MYOM2: variants seen among roughly 807,000 people sequenced by gnomAD.
MYOM2 encodes myomesin-2.
Under a neutral mutation model 187.6 loss-of-function variants are expected in MYOM2, and 254 were observed. That is an observed-to-expected ratio of 1.35 (90% CI 1.22 to 1.50). MYOM2 has a LOEUF of 1.50. MYOM2 is among the 40% of genes most tolerant of loss of function. The probability of loss-of-function intolerance (pLI) is 0.00; values close to 1 mark genes in which losing one functional copy is unlikely to be tolerated. For synonymous variants in MYOM2, 981 were observed against 753.8 expected (o/e 1.30, Z -4.94); for missense variants, 2,796 against 1,924.0 (o/e 1.45, Z -8.48).
intron 25 of MYOM2, among the ~76,000 whole-genome samples, chr8:2,114,717 A>C (rs556504607): frequency 7.9e-5 from 12 of 152,222 alleles, no homozygotes; most frequent in South Asian, 2.1e-4. Flanking sequence ...TGATCTGCCC[A>C]CCTTGGCCTC....
intron 13 of MYOM2, among the ~76,000 whole-genome samples, chr8:2,084,676 C>A (rs1414411521): frequency 6.6e-6 from 1 of 152,164 alleles, no homozygotes; most frequent in African/African-American, 2.4e-5. Flanking sequence ...AAGTTATTTG[C>A]AAAAGGCTTA....
intron 17 of MYOM2, 82 bp downstream of exon 17, chr8:2,094,173 TG>T: frequency 6.5e-7 from 1 of 1,536,636 alleles, no homozygotes; most frequent in East Asian, 2.3e-5. Context: ...TGATGCCATT[TG>T]GAATGTCATT....
intron 36 of MYOM2, 124 bp downstream of exon 36, chr8:2,143,580 G>A: frequency 8.5e-7 from 1 of 1,173,340 alleles, no homozygotes; most frequent in Non-Finnish European, 1.3e-6. Flanking sequence ...CAGCCTGCAG[G>A]GAACCCAGAG....
chr8:2,139,815 C>T (rs1041517998), intron 32 of MYOM2, among the ~76,000 whole-genome samples: 1 of 152,198 alleles, frequency 6.6e-6, no homozygotes, highest in Admixed American at 6.5e-5. Flanking sequence ...CTTTTGTCTG[C>T]AGTAAACAGT....
At chr8:2,111,419 T>C (rs1462284677) in intron 25 of MYOM2, among the ~76,000 whole-genome samples, 1 of 152,230 alleles carries the variant, frequency 6.6e-6, no homozygotes. Flanking sequence ...AAAAAGCTGC[T>C]ATATTGCTGA....
rs4876227 is a variant in MYOM2 at position 2,101,021 on chromosome 8, C to A, written c.2586C>A (p.Val862=). ...REEDAGEWIT[V]NQTTTASRYL... ...AGGATGCTGGAGAGTGGATCACTGT[C>A]AATCAGACGACAACAGCCAGCCGTT... is the stretch of plus-strand genomic sequence containing the variant. Residue 862 remains valine (V), a synonymous_variant, in exon 20 of 37, where the codon GTC becomes GTA. Coordinates refer to ENST00000262113, the MANE Select transcript of MYOM2 (RefSeq NM_003970.4). The A allele has an allele frequency of 7.7e-3, 12,473 of 1,614,016 alleles. 802 individuals are homozygous for A. In the African/African-American group the frequency reaches 0.14, roughly 19 times the overall value.
intron 36 of MYOM2, 110 bp from the exon 37 acceptor site, chr8:2,144,554 G>C (rs763521029): frequency 1.3e-4 from 149 of 1,120,166 alleles, no homozygotes; most frequent in Non-Finnish European, 1.8e-4. Flanking sequence ...ACAAACGATT[G>C]AAGGACCAAT....
intron 27 of MYOM2, among the ~76,000 whole-genome samples, chr8:2,116,836 C>A (rs1234915338): frequency 4.6e-5 from 7 of 152,166 alleles, no homozygotes; most frequent in Non-Finnish European, 1.0e-4. Context: ...TGGCTCACTG[C>A]AAGCTCCGCC....
intron 17 of MYOM2, among the ~76,000 whole-genome samples, chr8:2,094,582 C>T (rs914031228): frequency 1.1e-4 from 16 of 152,226 alleles, no homozygotes; most frequent in Non-Finnish European, 1.5e-4. Context: ...ATCTGGGAGG[C>T]GGAGTTTGCA....
chr8:2,088,830 A>C (rs1303711354), intron 14 of MYOM2, among the ~76,000 whole-genome samples: 1 of 152,230 alleles, frequency 6.6e-6, no homozygotes, highest in African/African-American at 2.4e-5. Context: ...TTCTTTGAGA[A>C]GTCTCTAAAC....
chr8:2,109,227 G>C, intron 24 of MYOM2, 168 bp from the exon 25 acceptor site: 1 of 799,626 alleles, frequency 1.3e-6, no homozygotes, highest in South Asian at 2.1e-5. Context: ...GCAACAACAG[G>C]CCAGCTCAAG....
Position 2,094,060 on chromosome 8 carries a change from A to G in MYOM2, c.2094A>G (p.Glu698=), listed in dbSNP as rs373880973. 1.9e-6 allele frequency: 3 copies of G among 1,614,072 alleles called. No homozygotes were observed. The highest frequency in any genetic ancestry group is 2.5e-6 in the Non-Finnish European group (3 of 1,180,040). ...TGGGGATGAGTGAAAATTCCCAGGA[A>G]TCAGACGTCATAAAAGTGCAGGCCG... ...NAVGMSENSQ[E]SDVIKVQAAL... The change falls in exon 17 of 37, where the codon GAA becomes GAG. Residue 698 remains glutamate, a synonymous_variant. Coordinates refer to ENST00000262113, the MANE Select transcript of MYOM2 (RefSeq NM_003970.4).
chr8:2,113,761 G>C (rs1489091649), intron 25 of MYOM2, among the ~76,000 whole-genome samples: 1 of 152,196 alleles, frequency 6.6e-6, no homozygotes, highest in Non-Finnish European at 1.5e-5. Flanking sequence ...GTGTCACTTA[G>C]TAGTGTCAGA....
At chr8:2,140,338 T>C (rs887965450) in intron 32 of MYOM2, among the ~76,000 whole-genome samples, 1 of 151,634 alleles carries the variant, frequency 6.6e-6, no homozygotes, top group Admixed American at 6.6e-5. Context: ...CTACGAAGGA[T>C]GTAGGTGTGA....
At chr8:2,143,278 G>C (rs960552582) in intron 35 of MYOM2, 123 bp from the exon 36 acceptor site, 3 of 1,090,720 alleles carry the variant, frequency 2.8e-6, no homozygotes, top group African/African-American at 3.1e-5. Flanking sequence ...TTTGATGCTC[G>C]CTCTCTCCTG....
chr8:2,135,498 C>T (rs890960337), intron 32 of MYOM2, among the ~76,000 whole-genome samples: 1 of 152,150 alleles, frequency 6.6e-6, no homozygotes, highest in Admixed American at 6.5e-5. Context: ...GACCTTCTCT[C>T]CTCCTCCCTG....
chr8:2,048,236 C>G (rs1818371646), intron 1 of MYOM2, among the ~76,000 whole-genome samples: 1 of 152,214 alleles, frequency 6.6e-6, no homozygotes, highest in African/African-American at 2.4e-5. Context: ...TGGTATTCGT[C>G]AGGCTGATCC....
At chr8:2,143,590 G>A in intron 36 of MYOM2, 134 bp downstream of exon 36, 2 of 1,076,346 alleles carry the variant, frequency 1.9e-6, no homozygotes, top group Non-Finnish European at 2.8e-6. Flanking sequence ...GGAACCCAGA[G>A]TCCCCCCCAC....
Position 2,123,374 on chromosome 8 carries a change from C to T in MYOM2, c.3567+9C>T, listed in dbSNP as rs748941142. On this transcript the variant is annotated intron_variant, in intron 29 of 36. Transcript: ENST00000262113. ...AGCTCCTCATCCCAAAGGTATCAGG[C>T]ATTGAGTAACACAAGAAAGCAAAAC... The T allele has an allele frequency of 2.1e-5, 31 of 1,498,842 alleles. No individual in the cohort carries two copies. Among genetic ancestry groups the T allele is most frequent in the Non-Finnish European group, 2.8e-5 (31 of 1,106,642 alleles). The allele number at this position is 1,498,842 out of a possible 1,614,324, so 92.8% of individuals were successfully genotyped here.
Sources: gnomAD v4.1 joint callset for allele counts (sites outside exome capture counted in the v4.1 genomes callset) on GRCh38, gnomAD v4.1.1 for gene constraint, MANE v1.5 for transcripts, NCBI Gene and HGNC (gene_info 2026-07-23, HGNC 2026-07-21) for gene names.